Variants in CCDC60 observed in about 807,000 individuals in gnomAD.
CCDC60 encodes the protein coiled-coil domain-containing protein 60.
A neutral mutation model predicts 63.5 loss-of-function variants in CCDC60; 54 were observed. The observed-to-expected ratio is 0.85, with a 90% CI of 0.68 to 1.07. The LOEUF (loss-of-function observed/expected upper bound fraction) is 1.07, where lower values mean the gene tolerates loss of function less well. CCDC60 is among the 50% of genes least tolerant of loss of function. The pLI, the probability that CCDC60 is intolerant of heterozygous loss-of-function variation, is 0.00. For missense variants in CCDC60, 651 were observed against 684.3 expected (o/e 0.95, Z 0.54); for synonymous variants, 206 against 238.8 (o/e 0.86, Z 1.27).
At chr12:119,489,412 T>G (rs1359375698) in intron 5 of CCDC60, among the ~76,000 whole-genome samples, 1 of 152,180 alleles carries the variant, frequency 6.6e-6, no homozygotes, top group African/African-American at 2.4e-5. Context: ...CAAGGGAATA[T>G]TTGGTATTCA....
intron 1 of CCDC60, among the ~76,000 whole-genome samples, chr12:119,407,998 T>G (rs900958234): frequency 6.6e-6 from 1 of 152,258 alleles, no homozygotes; most frequent in East Asian, 1.9e-4. Flanking sequence ...CTGCTTTATT[T>G]TATTAGAAAT....
chr12:119,423,301 C>T (rs995354829), intron 1 of CCDC60, among the ~76,000 whole-genome samples: 1 of 152,112 alleles, frequency 6.6e-6, no homozygotes, highest in Non-Finnish European at 1.5e-5. Context: ...TAAAGGGATC[C>T]TTGATTAACT....
intron 2 of CCDC60, among the ~76,000 whole-genome samples, chr12:119,470,555 A>C (rs1716446): frequency 0.89 from 135,611 of 152,240 alleles, 60,801 homozygotes; most frequent in East Asian, 1. Flanking sequence ...AAATGAAATG[A>C]CCTTCATAAC....
intron 12 of CCDC60, 150 bp downstream of exon 12, chr12:119,528,896 C>A (rs905179534): frequency 1.3e-5 from 10 of 742,472 alleles, no homozygotes; most frequent in Non-Finnish European, 1.9e-5. Context: ...CCCCACCCCC[C>A]AGAAACACTA....
intron 13 of CCDC60, among the ~76,000 whole-genome samples, chr12:119,534,489 G>A (rs1952945450): frequency 6.6e-6 from 1 of 152,138 alleles, no homozygotes; most frequent in African/African-American, 2.4e-5. Flanking sequence ...TCCCTGTCTT[G>A]TGCCAGTTTT....
chr12:119,465,630 C>G (rs1361950798), intron 2 of CCDC60, among the ~76,000 whole-genome samples: 1 of 152,010 alleles, frequency 6.6e-6, no homozygotes, highest in Admixed American at 6.6e-5. Context: ...TGATGGTGGG[C>G]ACCTGTAATC....
At chr12:119,481,305 C>T (rs114598734) in intron 4 of CCDC60, among the ~76,000 whole-genome samples, 2,086 of 152,266 alleles carry the variant, frequency 0.014, 43 homozygotes, top group African/African-American at 0.047. Context: ...CTCTTCAGTA[C>T]ACTTGCACTT....
At chr12:119,505,406 G>A (rs1294409645) in intron 7 of CCDC60, 103 bp downstream of exon 7, 3 of 726,780 alleles carry the variant, frequency 4.1e-6, no homozygotes, top group Non-Finnish European at 7.0e-6. Context: ...TCATTTAAAG[G>A]TGACATGGGA....
chr12:119,434,067 T>C (rs905200473), intron 2 of CCDC60, among the ~76,000 whole-genome samples: 1 of 152,208 alleles, frequency 6.6e-6, no homozygotes, highest in African/African-American at 2.4e-5. Flanking sequence ...ATGTTGAACA[T>C]GAAGCCGTGA....
intron 13 of CCDC60, among the ~76,000 whole-genome samples, chr12:119,535,400 G>A (rs550631111): frequency 2.6e-5 from 4 of 152,188 alleles, no homozygotes; most frequent in African/African-American, 7.2e-5. Flanking sequence ...AGGGTTTTTT[G>A]TGTCTCTATC....
chr12:119,434,109 C>G (rs1010690212), intron 2 of CCDC60, among the ~76,000 whole-genome samples: 2 of 152,176 alleles, frequency 1.3e-5, no homozygotes, highest in African/African-American at 4.8e-5. Flanking sequence ...CAGGCAATTG[C>G]AAATAAACAA....
chr12:119,371,449 G>A (rs1955897082), intron 1 of CCDC60, among the ~76,000 whole-genome samples: 1 of 152,150 alleles, frequency 6.6e-6, no homozygotes, highest in Admixed American at 6.5e-5. Flanking sequence ...ATGAATGAGT[G>A]AATGAATGAA....
At chr12:119,539,167 C>T (rs143046680) in intron 13 of CCDC60, among the ~76,000 whole-genome samples, 5,233 of 152,290 alleles carry the variant, frequency 0.034, 137 homozygotes, top group African/African-American at 0.079. Flanking sequence ...GGAGACATGG[C>T]GGTCAGGGAC....
At chr12:119,501,295 G>C (rs1275666220) in intron 6 of CCDC60, among the ~76,000 whole-genome samples, 1 of 152,192 alleles carries the variant, frequency 6.6e-6, no homozygotes, top group East Asian at 1.9e-4. Flanking sequence ...TGCTAAGGAA[G>C]CTTCTGTAGG....
At chr12:119,482,055 G>GTATATATGTGTATATATA (rs1951337895) in intron 4 of CCDC60, among the ~76,000 whole-genome samples, 1 of 123,956 alleles carries the variant, frequency 8.1e-6, no homozygotes, top group Non-Finnish European at 1.7e-5. Flanking sequence ...ATATATGTGT[G>GTATATATGTGTATATATA]TATATATATG....
At chr12:119,424,877 G>C (rs1221904839) in intron 1 of CCDC60, among the ~76,000 whole-genome samples, 1 of 152,084 alleles carries the variant, frequency 6.6e-6, no homozygotes, top group Non-Finnish European at 1.5e-5. Flanking sequence ...GTGAGGCTTG[G>C]GGGTGCGTGC....
chr12:119,412,073 A>G (rs1293895097), intron 1 of CCDC60, among the ~76,000 whole-genome samples: 1 of 152,154 alleles, frequency 6.6e-6, no homozygotes, highest in East Asian at 1.9e-4. Context: ...CTGAGCCTCA[A>G]AAGGTAATCC....
intron 3 of CCDC60, among the ~76,000 whole-genome samples, chr12:119,478,764 C>T (rs980847465): frequency 3.3e-5 from 5 of 152,042 alleles, no homozygotes; most frequent in East Asian, 1.9e-4. Context: ...CTTGCCACCA[C>T]GCCCAGCTGT....
At chr12:119,502,911 A>G (rs1399639208) in intron 6 of CCDC60, among the ~76,000 whole-genome samples, 1 of 152,126 alleles carries the variant, frequency 6.6e-6, no homozygotes, top group Non-Finnish European at 1.5e-5. Context: ...GTTTACACCT[A>G]TGATCCCAGC....
Sources: gnomAD v4.1 joint callset for allele counts (sites outside exome capture counted in the v4.1 genomes callset) on GRCh38, gnomAD v4.1.1 for gene constraint, MANE v1.5 for transcripts, NCBI Gene and HGNC (gene_info 2026-07-23, HGNC 2026-07-21) for gene names.